TMEM132B: variants seen among roughly 807,000 people sequenced by gnomAD.
The protein encoded by TMEM132B is transmembrane protein 132B.
TMEM132B carries 18 observed loss-of-function variants against 90.8 expected under a neutral mutation model. The observed-to-expected ratio is 0.20, with a 90% CI of 0.14 to 0.29. The LOEUF is 0.29. TMEM132B is among the 10% of genes least tolerant of loss of function. TMEM132B has a pLI of 1.00. For missense variants in TMEM132B, 1,096 were observed against 1,326.8 expected, an observed-to-expected ratio of 0.83 and a Z score of 2.70; for synonymous variants, 504 against 523.3, an observed-to-expected ratio of 0.96 and a Z score of 0.50.
chr12:125,320,283 A>G (rs1348089982), intron 1 of TMEM132B, among the ~76,000 whole-genome samples: 1 of 152,270 alleles, frequency 6.6e-6, no homozygotes, highest in Non-Finnish European at 1.5e-5. Context: ...TTGCTGGCCT[A>G]CGTTAAATTT....
chr12:125,272,048 A>G (rs1056780842), intron 1 of TMEM132B, among the ~76,000 whole-genome samples: 1 of 152,198 alleles, frequency 6.6e-6, no homozygotes. Flanking sequence ...TCAGACAGAG[A>G]CCTGCTGTCT....
intron 1 of TMEM132B, among the ~76,000 whole-genome samples, chr12:125,322,407 T>C: frequency 6.6e-6 from 1 of 152,208 alleles, no homozygotes; most frequent in East Asian, 1.9e-4. Context: ...ATGTCTTTAT[T>C]AGTAGCATGA....
intron 1 of TMEM132B, among the ~76,000 whole-genome samples, chr12:125,225,641 TTCAA>T (rs1284033154): frequency 6.6e-6 from 1 of 152,194 alleles, no homozygotes; most frequent in Non-Finnish European, 1.5e-5. Context: ...CATGGAACAG[TTCAA>T]TCAGAGTGTG....
intron 3 of TMEM132B, among the ~76,000 whole-genome samples, chr12:125,476,757 G>T (rs1201858405): frequency 6.6e-6 from 1 of 152,160 alleles, no homozygotes; most frequent in Non-Finnish European, 1.5e-5. Flanking sequence ...CTGTTTCCAG[G>T]AGTGACTTTT....
At chr12:125,528,697 C>G (rs1592976610) in intron 4 of TMEM132B, among the ~76,000 whole-genome samples, 1 of 152,214 alleles carries the variant, frequency 6.6e-6, no homozygotes, top group Non-Finnish European at 1.5e-5. Context: ...TCAAAAATCT[C>G]AGTATAACTT....
At chr12:125,259,169 TG>T (rs1165893799) in intron 1 of TMEM132B, among the ~76,000 whole-genome samples, 1 of 152,234 alleles carries the variant, frequency 6.6e-6, no homozygotes, top group Non-Finnish European at 1.5e-5. Context: ...TTATCTCTTC[TG>T]CATGTAGTTG....
intron 3 of TMEM132B, among the ~76,000 whole-genome samples, chr12:125,436,736 A>G (rs1018241432): frequency 2.6e-5 from 4 of 152,146 alleles, no homozygotes; most frequent in Admixed American, 6.5e-5. Flanking sequence ...AAGCCACTCA[A>G]TTGGTGGTAC....
At chr12:125,563,738 A>G (rs1423016636) in intron 4 of TMEM132B, among the ~76,000 whole-genome samples, 1 of 152,144 alleles carries the variant, frequency 6.6e-6, no homozygotes, top group Non-Finnish European at 1.5e-5. Context: ...CCAATAATTG[A>G]TGTTCTTATC....
In TMEM132B at chr12:125,611,507, GA is replaced by G. The variant is rs372342491; in HGVS notation, c.1437+27514del. Among the ~76,000 whole-genome samples, 1,108 of 151,884 alleles carry G rather than the reference GA, an allele frequency of 7.3e-3. 13 individuals are homozygous for G. Among genetic ancestry groups the G allele is most frequent in the African/African-American group, 0.025 (1,016 of 41,432 alleles). On this transcript the variant is annotated intron_variant, in intron 5 of 8. Coordinates refer to ENST00000682704, the MANE Select transcript of TMEM132B (RefSeq NM_001366854.1). ...AGGTAGAGCATTAGGTTATTAATTT[GA>G]GAACTTATATTTTTATATAAGCATT... is the stretch of plus-strand genomic sequence containing the variant.
chr12:125,613,980 AT>A (rs1885924931), intron 5 of TMEM132B, among the ~76,000 whole-genome samples: 1 of 151,988 alleles, frequency 6.6e-6, no homozygotes, highest in Admixed American at 6.6e-5. Context: ...AATATATTAC[AT>A]TTATTCATGT....
intron 5 of TMEM132B, among the ~76,000 whole-genome samples, chr12:125,607,925 A>C (rs1343083931): frequency 6.6e-6 from 1 of 152,204 alleles, no homozygotes; most frequent in Non-Finnish European, 1.5e-5. Flanking sequence ...ACACAGTAGC[A>C]AGTATCAGTT....
intron 3 of TMEM132B, among the ~76,000 whole-genome samples, chr12:125,519,137 G>A (rs1425215359): frequency 6.6e-6 from 1 of 152,192 alleles, no homozygotes. Flanking sequence ...TGCCTGGGCT[G>A]GGGAGGGGAG....
At chr12:125,440,040 C>A (rs1880824185) in intron 3 of TMEM132B, among the ~76,000 whole-genome samples, 1 of 152,100 alleles carries the variant, frequency 6.6e-6, no homozygotes, top group Non-Finnish European at 1.5e-5. Context: ...GGTGGATTAG[C>A]TTTTTGATGT....
rs114198308 is a variant in TMEM132B at position 125,523,600 on chromosome 12, G to A, written c.1293+3975G>A. 6.5e-3 allele frequency among the ~76,000 whole-genome samples: 984 copies of A among 152,334 alleles called. 9 individuals are homozygous for A. The highest frequency in any genetic ancestry group is 0.022 in the African/African-American group (913 of 41,578). On this transcript the variant is annotated intron_variant, in intron 4 of 8. Transcript: ENST00000682704. ...GACGTGGACATCTCTGGAGGGGGCT[G>A]TTATTTTCCTACCACACTTGCTTAT...
intron 2 of TMEM132B, among the ~76,000 whole-genome samples, chr12:125,388,295 G>T (rs951984654): frequency 3.3e-5 from 5 of 152,070 alleles, no homozygotes; most frequent in African/African-American, 9.7e-5. Flanking sequence ...TGGGCGTGGT[G>T]GTGCACGTCT....
At chr12:125,197,160 G>A (rs367766802) in intron 1 of TMEM132B, among the ~76,000 whole-genome samples, 9 of 151,648 alleles carry the variant, frequency 5.9e-5, no homozygotes, top group African/African-American at 2.2e-4. Context: ...CTCCCACCCT[G>A]CACCCTCCTG....
intron 6 of TMEM132B, among the ~76,000 whole-genome samples, chr12:125,646,239 C>G (rs1223210925): frequency 2.0e-5 from 3 of 152,090 alleles, no homozygotes; most frequent in African/African-American, 7.2e-5. Flanking sequence ...GAAGTCCAGG[C>G]AAACTACTGA....
intron 4 of TMEM132B, among the ~76,000 whole-genome samples, chr12:125,554,113 C>A (rs1884308235): frequency 6.6e-6 from 1 of 152,072 alleles, no homozygotes; most frequent in South Asian, 2.1e-4. Flanking sequence ...AAAATGTTTT[C>A]TTTCTTTGTA....
chr12:125,223,242 A>G (rs1296696564), intron 1 of TMEM132B, among the ~76,000 whole-genome samples: 1 of 152,240 alleles, frequency 6.6e-6, no homozygotes. Flanking sequence ...GCCTTGAGAT[A>G]TTTTAGCAAA....
Sources: allele counts gnomAD v4.1 joint callset (sites outside exome capture counted in the v4.1 genomes callset), GRCh38; gene constraint gnomAD v4.1.1; transcripts MANE v1.5; gene names NCBI Gene and HGNC (gene_info 2026-07-23, HGNC 2026-07-21).